Variants in CGNL1 observed in about 807,000 individuals in gnomAD.
The protein encoded by CGNL1 is cingulin-like protein 1.
CGNL1 carries 132 observed loss-of-function variants against 141.2 expected under a neutral mutation model. That is an observed-to-expected ratio of 0.93 (90% CI 0.81 to 1.08). The LOEUF (loss-of-function observed/expected upper bound fraction) is 1.08. CGNL1 is among the 50% of genes least tolerant of loss of function. The pLI is 0.00. For missense variants in CGNL1, 1,870 were observed against 1,588.6 expected (o/e 1.18, Z -3.01); for synonymous variants, 690 against 622.1 (o/e 1.11, Z -1.63).
At position 57,383,110 on chromosome 15, in the gene CGNL1, C is replaced by A. The variant is rs575010910; in HGVS notation, c.-16+6543C>A. Among the ~76,000 whole-genome samples, 5 of 152,156 alleles carry A rather than the reference C, an allele frequency of 3.3e-5. 1 individual carries two copies. The highest frequency in any genetic ancestry group is 9.6e-5 in the African/African-American group (4 of 41,520). On this transcript the variant is annotated intron_variant, in intron 1 of 18. Transcript: ENST00000281282. The stretch of plus-strand genomic sequence containing the variant: ...AGCAGCTGAAAAGTTGATTAGCCTC[C>A]GTCCTTGCCCTAATCAAGTATCAAA...
intron 1 of CGNL1, among the ~76,000 whole-genome samples, chr15:57,385,056 G>A (rs2062467362): frequency 6.6e-6 from 1 of 152,192 alleles, no homozygotes; most frequent in Admixed American, 6.5e-5. Flanking sequence ...CCGACACCCA[G>A]CTTGCAGACT....
chr15:57,507,724 A>G (rs916719337), intron 8 of CGNL1, among the ~76,000 whole-genome samples: 2 of 152,220 alleles, frequency 1.3e-5, no homozygotes, highest in Non-Finnish European at 1.5e-5. Flanking sequence ...ACATTGTTAC[A>G]GATGATCTGG....
chr15:57,516,708 A>G (rs2030828638), intron 8 of CGNL1, 72 bp from the exon 9 acceptor site: 2 of 1,491,432 alleles, frequency 1.3e-6, no homozygotes, highest in Non-Finnish European at 1.8e-6. Flanking sequence ...CATAAATGCC[A>G]GCCATTCTTC....
chr15:57,442,273 A>G, intron 3 of CGNL1, 100 bp from the exon 4 acceptor site: 1 of 550,868 alleles, frequency 1.8e-6, no homozygotes. Context: ...CCTGCAAATT[A>G]TCTCCTTAAA....
intron 8 of CGNL1, among the ~76,000 whole-genome samples, chr15:57,499,276 C>T (rs1332621329): frequency 7.7e-6 from 1 of 129,596 alleles, no homozygotes; most frequent in African/African-American, 3.1e-5. Context: ...GACGGAGTCT[C>T]ACTGTGTCAC....
At chr15:57,396,277 G>GTTTTTTTTTTTTT (rs57154500) in intron 1 of CGNL1, among the ~76,000 whole-genome samples, 1 of 129,218 alleles carries the variant, frequency 7.7e-6, no homozygotes, top group African/African-American at 2.9e-5. Context: ...TTCTTTCTTT[G>GTTTTTTTTTTTTT]TTTTTTTTTT....
chr15:57,413,215 C>A (rs2062811370), intron 1 of CGNL1, among the ~76,000 whole-genome samples: 2 of 144,420 alleles, frequency 1.4e-5, no homozygotes, highest in Non-Finnish European at 3.0e-5. Context: ...TTCTCTCTTC[C>A]TCTCTTCCTC....
At chr15:57,520,952 G>T (rs990800117) in intron 10 of CGNL1, among the ~76,000 whole-genome samples, 36 of 152,152 alleles carry the variant, frequency 2.4e-4, no homozygotes, top group African/African-American at 8.4e-4. Context: ...ATCTGCGTCT[G>T]TTGACAGATA....
intron 1 of CGNL1, among the ~76,000 whole-genome samples, chr15:57,399,029 C>T (rs2062631662): frequency 6.6e-6 from 1 of 152,068 alleles, no homozygotes. Flanking sequence ...TATTTTGATA[C>T]ATGTATACAA....
At chr15:57,510,449 G>T (rs558906568) in intron 8 of CGNL1, among the ~76,000 whole-genome samples, 40 of 152,292 alleles carry the variant, frequency 2.6e-4, no homozygotes, top group Middle Eastern at 6.8e-3. Context: ...GTATAAATGA[G>T]AATTCCATTC....
chr15:57,514,735 T>A (rs1595784787), intron 8 of CGNL1, among the ~76,000 whole-genome samples: 1 of 152,348 alleles, frequency 6.6e-6, no homozygotes, highest in East Asian at 1.9e-4. Context: ...TAGTTTTAGA[T>A]CCTACATTTG....
chr15:57,524,670 C>G lies in CGNL1; in HGVS notation c.2958C>G (p.Leu986=). Residue 986 remains leucine, a synonymous_variant, in exon 12 of 19, where the codon CTC becomes CTG. Transcript: ENST00000281282. The part of the protein sequence containing the change: ...DEYKEKNRRE[L]AEMQRQLKEK... ...ATAAGGAGAAAAACCGCAGGGAGCT[C>G]GCAGAAATGCAAAGACAGTTGAAGG... 6.2e-7 allele frequency: 1 copy of G among 1,614,066 alleles called. No homozygotes were observed. Among genetic ancestry groups the G allele is most frequent in the African/African-American group, 1.3e-5 (1 of 74,986 alleles).
intron 8 of CGNL1, among the ~76,000 whole-genome samples, chr15:57,463,854 A>C (rs1383664777): frequency 6.6e-6 from 1 of 152,186 alleles, no homozygotes; most frequent in African/African-American, 2.4e-5. Context: ...GTCCTCCTGC[A>C]AGAATTCCCC....
chr15:57,431,620 T>C (rs2063045601), intron 1 of CGNL1, among the ~76,000 whole-genome samples: 1 of 152,260 alleles, frequency 6.6e-6, no homozygotes, highest in Non-Finnish European at 1.5e-5. Flanking sequence ...TAACCACTGT[T>C]TAGCAAGCTT....
At chr15:57,387,577 G>A (rs756872245) in intron 1 of CGNL1, among the ~76,000 whole-genome samples, 5 of 152,144 alleles carry the variant, frequency 3.3e-5, no homozygotes, top group Non-Finnish European at 5.9e-5. Flanking sequence ...GGCCCTGAGT[G>A]GTGCTTCATT....
rs144157714 is a variant in CGNL1 at position 57,427,054 on chromosome 15, C to T, written c.-15-10931C>T. On this transcript the variant is annotated intron_variant, in intron 1 of 18. Coordinates refer to ENST00000281282, the MANE Select transcript of CGNL1 (RefSeq NM_032866.5). The stretch of plus-strand genomic sequence containing the variant: ...AGGGGCTGGTGAGAGCAAGGCACAG[C>T]GTGTTTGGGGTGACTTTAGGATTTG... Among the ~76,000 whole-genome samples, 382 of 152,160 alleles carry T rather than the reference C, an allele frequency of 2.5e-3. 4 individuals carry two copies. Among genetic ancestry groups the T allele is most frequent in the African/African-American group, 8.9e-3 (370 of 41,496 alleles).
At chr15:57,518,215 A>G (rs2030978342) in intron 9 of CGNL1, among the ~76,000 whole-genome samples, 178 bp from the exon 10 acceptor site, 1 of 152,194 alleles carries the variant, frequency 6.6e-6, no homozygotes, top group African/African-American at 2.4e-5. Context: ...AACTGCAGAT[A>G]AACACACGCA....
At chr15:57,480,073 G>A (rs2063706440) in intron 8 of CGNL1, among the ~76,000 whole-genome samples, 1 of 152,154 alleles carries the variant, frequency 6.6e-6, no homozygotes, top group African/African-American at 2.4e-5. Context: ...TGCAGTATTA[G>A]CAGTATGTGG....
At chr15:57,443,463 C>T (rs1170688604) in intron 4 of CGNL1, among the ~76,000 whole-genome samples, 1 of 152,184 alleles carries the variant, frequency 6.6e-6, no homozygotes, top group Admixed American at 6.5e-5. Context: ...AGGAAGACAC[C>T]TGGAGGCAGG....
Sources: gnomAD v4.1 joint callset for allele counts (sites outside exome capture counted in the v4.1 genomes callset) on GRCh38, gnomAD v4.1.1 for gene constraint, MANE v1.5 for transcripts, NCBI Gene and HGNC (gene_info 2026-07-23, HGNC 2026-07-21) for gene names.